The following PARP9 variants were observed in gnomAD, a reference collection of about 807,000 sequenced individuals.
The protein encoded by PARP9 is poly(ADP-ribose) polymerase family member 9.
PARP9 carries 48 observed loss-of-function variants against 68.8 expected under a neutral mutation model. The observed-to-expected ratio is 0.70, with a 90% CI of 0.55 to 0.89. PARP9 has a LOEUF of 0.89. PARP9 is among the 40% of genes least tolerant of loss of function. The pLI, the probability that PARP9 is intolerant of heterozygous loss-of-function variation, is 0.00. For missense variants in PARP9, 806 were observed against 969.3 expected (o/e 0.83, Z 2.24); for synonymous variants, 309 against 333.8 (o/e 0.93, Z 0.81).
At chr3:122,544,290 G>C (rs1234732568) in intron 7 of PARP9, among the ~76,000 whole-genome samples, 2 of 152,074 alleles carry the variant, frequency 1.3e-5, no homozygotes, top group Admixed American at 1.3e-4. Flanking sequence ...TAGCTAACTG[G>C]GGAGTTTGTC....
chr3:122,553,730 C>G (rs533647610), intron 4 of PARP9, among the ~76,000 whole-genome samples: 1 of 152,176 alleles, frequency 6.6e-6, no homozygotes, highest in African/African-American at 2.4e-5. Flanking sequence ...TCACGAGAGT[C>G]TTAAGTGTGA....
chr3:122,528,582 G>C lies in PARP9; in HGVS notation c.2242C>G (p.Pro748Ala), dbSNP rs1450448983. 6.2e-7 allele frequency: 1 copy of C among 1,614,198 alleles called. No individual in the cohort carries two copies. The highest frequency in any genetic ancestry group is 1.7e-5 in the Admixed American group (1 of 60,032). Residue 748 changes from proline (P) to alanine (A), a missense_variant, in exon 11 of 11, where the codon CCA becomes GCA. Transcript: ENST00000682323. ...QGHPLNIVPP[P>A]LSPGAIDGHD... is the part of the protein sequence containing the mutation. Reference sequence around the variant, plus strand: ...CCATCTATAGCTCCAGGACTCAGTGGTGGGGGAACAATATTTAACGGATGT... The same window carrying C: ...CCATCTATAGCTCCAGGACTCAGTGCTGGGGGAACAATATTTAACGGATGT...
intron 5 of PARP9, among the ~76,000 whole-genome samples, 195 bp from the exon 6 acceptor site, chr3:122,550,997 G>A (rs911986708): frequency 6.6e-6 from 1 of 152,146 alleles, no homozygotes; most frequent in African/African-American, 2.4e-5. Flanking sequence ...GTGAGAAACT[G>A]AAGCAATAGA....
Position 122,555,328 on chromosome 3 carries a change from G to A in PARP9, c.843C>T (p.Asn281=), listed in dbSNP as rs1323735502. Residue 281 remains asparagine (N), a synonymous_variant, in exon 4 of 11, where the codon AAC becomes AAT. Transcript: ENST00000682323. ...GGCCCTGGACAATCTGGAGGGTCAGGTTGTTCACGACCATTGCATTGAAAG... is the reference window on the plus strand; with the variant it reads ...GGCCCTGGACAATCTGGAGGGTCAGATTGTTCACGACCATTGCATTGAAAG... ...TPSFNAMVVN[N]LTLQIVQGHI... is the part of the protein sequence containing the mutation. 6.2e-7 allele frequency: 1 copy of A among 1,613,962 alleles called. No individual in the cohort carries two copies.
At chr3:122,553,677 T>C (rs917096741) in intron 4 of PARP9, among the ~76,000 whole-genome samples, 2 of 152,154 alleles carry the variant, frequency 1.3e-5, no homozygotes, top group African/African-American at 4.8e-5. Context: ...TAAGTGTTAT[T>C]GGTTTGTTTG....
intron 2 of PARP9, among the ~76,000 whole-genome samples, chr3:122,558,704 T>C (rs1286435058): frequency 1.3e-5 from 2 of 152,190 alleles, no homozygotes; most frequent in Non-Finnish European, 2.9e-5. Context: ...CATTTCTTTT[T>C]TTAAATTTAA....
intron 1 of PARP9, among the ~76,000 whole-genome samples, chr3:122,560,488 G>A (rs1354886350): frequency 3.9e-5 from 6 of 152,052 alleles, no homozygotes; most frequent in Middle Eastern, 3.2e-3. Flanking sequence ...CTGGGTTCAC[G>A]CCATTCTCCT....
intron 10 of PARP9, chr3:122,533,714 T>C: frequency 1.0e-6 from 1 of 985,452 alleles, no homozygotes; most frequent in Non-Finnish European, 1.2e-6. Flanking sequence ...AAACTGCATG[T>C]GTAGATGCCT....
intron 6 of PARP9, among the ~76,000 whole-genome samples, chr3:122,549,070 A>G (rs923030101): frequency 6.6e-6 from 1 of 150,690 alleles, no homozygotes; most frequent in East Asian, 1.9e-4. Flanking sequence ...GCCCGGGTGC[A>G]ATGGTGCGAT....
intron 10 of PARP9, chr3:122,533,890 T>C (rs2077466505): frequency 3.0e-6 from 3 of 985,476 alleles, no homozygotes; most frequent in Non-Finnish European, 2.4e-6. Flanking sequence ...ATTTGGAATA[T>C]TGCACGGCTG....
chr3:122,534,563 A>T lies in PARP9; in HGVS notation c.2080+1605T>A, dbSNP rs1396440742. On this transcript the variant is annotated intron_variant, in intron 10 of 10. Coordinates refer to ENST00000682323, the MANE Select transcript of PARP9 (RefSeq NM_001146105.2). Reference sequence around the variant, plus strand: ...ACTATATAATGAGTATGTTGGGGGCAGTATCTTGCCTTTAAGCTTTAAGAG... The same window carrying T: ...ACTATATAATGAGTATGTTGGGGGCTGTATCTTGCCTTTAAGCTTTAAGAG... The T allele has an allele frequency of 5.3e-6, 3 of 565,448 alleles. No homozygotes were observed. The African/African-American group carries it at 6.1e-5, about 12-fold the overall frequency. The allele number at this position is 565,448 out of a possible 1,614,324, so 35.0% of individuals were successfully genotyped here.
intron 1 of PARP9, 142 bp downstream of exon 1, chr3:122,564,103 A>T: frequency 3.0e-6 from 1 of 336,634 alleles, no homozygotes; most frequent in South Asian, 6.6e-5. Context: ...AACACAGGAG[A>T]AACTTACTTT....
Position 122,555,769 on chromosome 3 carries a change from A to C in PARP9, c.402T>G (p.Val134=), listed in dbSNP as rs1394100827. Reference sequence around the variant, plus strand: ...CAGCTGACACTTTACCATATCTGGCAACAAACTGTTTGCTCTCTTCTTGGA... The same window carrying C: ...CAGCTGACACTTTACCATATCTGGCCACAAACTGTTTGCTCTCTTCTTGGA... The part of the protein sequence containing the change: ...FEIQEESKQF[V]ARYGKVSAGE... Residue 134 remains valine (V), a synonymous_variant, in exon 4 of 11, where the codon GTT becomes GTG. Transcript: ENST00000682323. 1 of 1,614,024 alleles carries C rather than the reference A, an allele frequency of 6.2e-7. No individual in the cohort carries two copies. Among genetic ancestry groups the C allele is most frequent in the Non-Finnish European group, 8.5e-7 (1 of 1,180,008 alleles).
At chr3:122,549,705 C>T (rs1483412710) in intron 6 of PARP9, among the ~76,000 whole-genome samples, 1 of 151,916 alleles carries the variant, frequency 6.6e-6, no homozygotes, top group Non-Finnish European at 1.5e-5. Flanking sequence ...CACTTGAGCC[C>T]AGGAGTTCAA....
chr3:122,548,759 C>CAT (rs2078961448), intron 6 of PARP9, among the ~76,000 whole-genome samples: 1 of 152,104 alleles, frequency 6.6e-6, no homozygotes, highest in South Asian at 2.1e-4. Context: ...TGTGTTAGAC[C>CAT]ACAGCTGATT....
Position 122,555,687 on chromosome 3 carries a change from C to A in PARP9, c.484G>T (p.Val162Phe), listed in dbSNP as rs2079572934. The A allele has an allele frequency of 6.2e-7, 1 of 1,614,146 alleles. No individual in the cohort carries two copies. Among genetic ancestry groups the A allele is most frequent in the African/African-American group, 1.3e-5 (1 of 75,044 alleles). The change falls in exon 4 of 11, where the codon GTT becomes TTT. Residue 162 changes from valine (V) to phenylalanine (F), a missense_variant. By Grantham distance (50) the Val-to-Phe change is conservative (BLOSUM62 -1). Coordinates refer to ENST00000682323, the MANE Select transcript of PARP9 (RefSeq NM_001146105.2). ...TCCCATTCCATCCACCGAGGCCCAA[C>A]AGCATGGATGATCTGTTTGCAGGGA... ...RLPCKQIIHA[V>F]GPRWMEWDKQ...
In PARP9 at chr3:122,559,702, G is replaced by A; in HGVS notation, c.-82C>T. On this transcript the variant is annotated 5_prime_UTR_variant, in exon 2 of 11. Coordinates refer to ENST00000682323, the MANE Select transcript of PARP9 (RefSeq NM_001146105.2). ...TAGACTGTAGTTTCCAGATATGGTG[G>A]CCCACTTCTAGGAATGAATTAGAAA... The A allele has an allele frequency of 7.3e-7, 1 of 1,370,288 alleles. No homozygotes were observed. Among genetic ancestry groups the A allele is most frequent in the Non-Finnish European group, 9.9e-7 (1 of 1,010,884 alleles). The allele number at this position is 1,370,288 out of a possible 1,614,324, so 84.9% of individuals were successfully genotyped here.
At chr3:122,555,022 T>TA (rs909937466) in intron 4 of PARP9, among the ~76,000 whole-genome samples, 21 of 151,262 alleles carry the variant, frequency 1.4e-4, no homozygotes, top group South Asian at 4.2e-4. Flanking sequence ...CAGCCTATTT[T>TA]AAAAAAAAAC....
In PARP9 at chr3:122,540,502, T is replaced by C. The variant is rs754731383; in HGVS notation, c.1735A>G (p.Lys579Glu). 5.0e-6 allele frequency: 8 copies of C among 1,613,990 alleles called. No homozygotes were observed. The highest frequency in any genetic ancestry group is 1.7e-5 in the Admixed American group (1 of 60,008). ...LCKVQEEMAR[K>E]KERGLWRSLG... ...GAGCGCCAAAGGCCTCGCTCCTTTT[T>C]CCTTGCCATTTCCTCCTGTACTTTA... The change falls in exon 8 of 11, where the codon AAA becomes GAA. Residue 579 changes from lysine to glutamate, a missense_variant. Lys to Glu is a moderately conservative substitution (Grantham distance 56, BLOSUM62 1). Coordinates refer to ENST00000682323, the MANE Select transcript of PARP9 (RefSeq NM_001146105.2).
Sources: gnomAD v4.1 joint callset for allele counts (sites outside exome capture counted in the v4.1 genomes callset) on GRCh38, gnomAD v4.1.1 for gene constraint, MANE v1.5 for transcripts, NCBI Gene and HGNC (gene_info 2026-07-23, HGNC 2026-07-21) for gene names.